The following RERE variants were observed in gnomAD, a reference collection of about 807,000 sequenced individuals.
The protein encoded by RERE is arginine-glutamic acid dipeptide repeats protein.
In RERE, 40 loss-of-function variants were observed where a neutral mutation model predicts 146.1. The observed-to-expected ratio is 0.27, with a 90% confidence interval of 0.21 to 0.36. The LOEUF is 0.36. RERE is among the 10% of genes least tolerant of loss of function. The pLI is 1.00. For synonymous variants in RERE, 1,003 were observed against 866.0 expected (o/e 1.16, Z -2.78); for missense variants, 1,933 against 2,138.7 (o/e 0.90, Z 1.90).
intron 4 of RERE, among the ~76,000 whole-genome samples, chr1:8,609,142 C>T (rs768147685): frequency 7.9e-5 from 12 of 151,902 alleles, no homozygotes; most frequent in African/African-American, 2.4e-4. Context: ...TGCTTGAACC[C>T]GGGAGGCGGA....
intron 3 of RERE, among the ~76,000 whole-genome samples, chr1:8,622,304 A>G (rs1646924908): frequency 1.3e-5 from 2 of 152,124 alleles, no homozygotes. Flanking sequence ...AGGTAAAATA[A>G]AAATATTTAC....
chr1:8,417,642 G>C (rs1392535831), intron 12 of RERE, among the ~76,000 whole-genome samples: 1 of 151,966 alleles, frequency 6.6e-6, no homozygotes, highest in Non-Finnish European at 1.5e-5. Context: ...CCTCCTCTTT[G>C]GTCCCATCCT....
At position 8,360,438 on chromosome 1, in the gene RERE, T is replaced by C. The variant is rs572019466; in HGVS notation, c.3069A>G (p.Thr1023=). 101 of 132,988 alleles carry C rather than the reference T, an allele frequency of 7.6e-4. No individual in the cohort carries two copies. Among genetic ancestry groups the C allele is most frequent in the African/African-American group, 7.5e-3 (91 of 12,072 alleles). 8.2% of individuals were successfully genotyped at this position (132,988 alleles called of 1,614,324 possible). Reference sequence around the variant, plus strand: ...GTTGGGGGGCCACCTGGTGGAGGCCTGTAGGGGGGTGGGAGGCAGGGGGCG... The same window carrying C: ...GTTGGGGGGCCACCTGGTGGAGGCCCGTAGGGGGGTGGGAGGCAGGGGGCG... ...LPPPPASHPP[T]GLHQVAPQPP... The change falls in exon 18 of 23, where the codon ACA becomes ACG. Residue 1023 remains threonine (T), a synonymous_variant. Coordinates refer to ENST00000400908, the MANE Select transcript of RERE (RefSeq NM_001042681.2).
chr1:8,430,583 T>C (rs570542314), intron 11 of RERE, among the ~76,000 whole-genome samples: 27 of 152,318 alleles, frequency 1.8e-4, no homozygotes, highest in Admixed American at 5.2e-4. Flanking sequence ...TCCATAGTTT[T>C]AGGACATCAC....
At chr1:8,449,683 G>A (rs1253963254) in intron 11 of RERE, among the ~76,000 whole-genome samples, 2 of 152,134 alleles carry the variant, frequency 1.3e-5, no homozygotes, top group Non-Finnish European at 2.9e-5. Context: ...AATTTAATCT[G>A]TTCTAAACTC....
At chr1:8,670,978 G>GA (rs969032124) in intron 1 of RERE, among the ~76,000 whole-genome samples, 10 of 152,072 alleles carry the variant, frequency 6.6e-5, no homozygotes, top group African/African-American at 2.4e-4. Context: ...CGTGGTGTGA[G>GA]AAAAAAGGAG....
intron 10 of RERE, among the ~76,000 whole-genome samples, chr1:8,479,338 A>G (rs1161919212): frequency 1.3e-5 from 2 of 151,810 alleles, no homozygotes; most frequent in East Asian, 3.8e-4. Context: ...AATAAGTAAT[A>G]TATTTTAGTA....
At chr1:8,513,911 C>T (rs1455945894) in intron 7 of RERE, among the ~76,000 whole-genome samples, 2 of 152,194 alleles carry the variant, frequency 1.3e-5, no homozygotes, top group African/African-American at 4.8e-5. Context: ...TCTGTCTTGC[C>T]TTTGAATGAA....
chr1:8,786,239 G>T, intron 1 of RERE: 1 of 968,402 alleles, frequency 1.0e-6, no homozygotes, highest in Non-Finnish European at 1.6e-6. Context: ...GGTCCTCCCT[G>T]TTGCCAGCAT....
intron 3 of RERE, 93 bp downstream of exon 3, chr1:8,624,217 T>A: frequency 9.8e-7 from 1 of 1,023,820 alleles, no homozygotes; most frequent in Non-Finnish European, 1.5e-6. Flanking sequence ...GGTAACCACG[T>A]CAACAGCGAT....
intron 12 of RERE, chr1:8,380,975 G>GT: frequency 2.2e-6 from 1 of 456,644 alleles, no homozygotes; most frequent in South Asian, 1.5e-5. Flanking sequence ...GGGACCAATG[G>GT]TTTTTCCCAC....
At chr1:8,447,883 T>C (rs1644342026) in intron 11 of RERE, among the ~76,000 whole-genome samples, 1 of 152,188 alleles carries the variant, frequency 6.6e-6, no homozygotes, top group African/African-American at 2.4e-5. Context: ...CCTCACAGGG[T>C]AGTTCTGCTG....
At position 8,656,050 on chromosome 1, in the gene RERE, T is replaced by A; in HGVS notation, c.248A>T (p.Lys83Met). 1 of 1,613,842 alleles carries A rather than the reference T, an allele frequency of 6.2e-7. No individual in the cohort carries two copies. The highest frequency in any genetic ancestry group is 8.5e-7 in the Non-Finnish European group (1 of 1,179,806). ...KKNKKKPPKK[K>M]SRYERTDTGE... ...GGTATCTGTCCTTTCATAACGAGAC[T>A]TTTTTTTCGGTGGTTTCTTCTTATT... Residue 83 changes from lysine to methionine, a missense_variant, in exon 2 of 23, where the codon AAG becomes ATG. Lys to Met is a moderately conservative substitution (Grantham distance 95, BLOSUM62 -1). Transcript: ENST00000400908.
At chr1:8,674,127 C>A (rs1638781791) in intron 1 of RERE, among the ~76,000 whole-genome samples, 2 of 151,946 alleles carry the variant, frequency 1.3e-5, no homozygotes, top group South Asian at 4.2e-4. Context: ...ACAAAACATA[C>A]CCAAATTAAA....
rs113783351 is a variant in RERE, at chr1:8,589,555, G to A, written c.522+25006C>T. ...TTTATTTTTTATGCATTCATTTGGCGCCCTATTTATTGAATATCTAACTAA... is the reference window on the plus strand; with the variant it reads ...TTTATTTTTTATGCATTCATTTGGCACCCTATTTATTGAATATCTAACTAA... On this transcript the variant is annotated intron_variant, in intron 4 of 22. Coordinates refer to ENST00000400908, the MANE Select transcript of RERE (RefSeq NM_001042681.2). 9.7e-3 allele frequency among the ~76,000 whole-genome samples: 1,472 copies of A among 152,232 alleles called. 28 individuals are homozygous for A. The highest frequency in any genetic ancestry group is 0.034 in the African/African-American group (1,412 of 41,530).
chr1:8,526,701 C>G (rs1261941128), intron 7 of RERE, among the ~76,000 whole-genome samples: 1 of 152,176 alleles, frequency 6.6e-6, no homozygotes, highest in Non-Finnish European at 1.5e-5. Flanking sequence ...CTAGCCCAAT[C>G]AAGTCTAGCT....
intron 7 of RERE, among the ~76,000 whole-genome samples, chr1:8,529,893 T>G (rs754953743): frequency 7.2e-5 from 11 of 152,132 alleles, no homozygotes; most frequent in Non-Finnish European, 1.0e-4. Flanking sequence ...GAGCAAGCCT[T>G]GCTTTACACT....
At position 8,637,353 on chromosome 1, in the gene RERE, G is replaced by A. The variant is rs1269284361; in HGVS notation, c.326-12973C>T. ...TTCTTTGTGAGGGCAGGTGGATGGT[G>A]TCTGCTGGCACTACTCAGTCTCCCC... is the stretch of plus-strand genomic sequence containing the variant. On this transcript the variant is annotated intron_variant, in intron 2 of 22. Coordinates refer to ENST00000400908, the MANE Select transcript of RERE (RefSeq NM_001042681.2). Among the ~76,000 whole-genome samples the A allele has an allele frequency of 2.6e-5, 4 of 152,310 alleles. No homozygotes were observed. In the East Asian group the frequency reaches 7.7e-4, roughly 29 times the overall value.
chr1:8,608,438 G>T (rs1455639161), intron 4 of RERE, among the ~76,000 whole-genome samples: 3 of 152,036 alleles, frequency 2.0e-5, no homozygotes, highest in Admixed American at 2.0e-4. Context: ...CAGGAGGTTG[G>T]GGCTGCAGTG....
Sources: allele counts gnomAD v4.1 joint callset (sites outside exome capture counted in the v4.1 genomes callset), GRCh38; gene constraint gnomAD v4.1.1; transcripts MANE v1.5; gene names NCBI Gene and HGNC (gene_info 2026-07-23, HGNC 2026-07-21).